Variants in ABCB1 observed in about 807,000 individuals in gnomAD.
ABCB1 encodes the protein ATP-dependent translocase ABCB1.
A neutral mutation model predicts 142.0 loss-of-function variants in ABCB1; 69 were observed. That is an observed-to-expected ratio of 0.49 (90% CI 0.40 to 0.59). The LOEUF (loss-of-function observed/expected upper bound fraction) is 0.59, where lower values mean the gene tolerates loss of function less well. Ranked by LOEUF, ABCB1 falls within the 20% of genes least tolerant of loss-of-function variation. The pLI, the probability that ABCB1 is intolerant of heterozygous loss-of-function variation, is 0.00. For missense variants in ABCB1, 1,326 were observed against 1,554.7 expected (o/e 0.85, Z 2.47); for synonymous variants, 532 against 539.2 (o/e 0.99, Z 0.18).
In ABCB1 at chr7:87,550,793, A is replaced by T; in HGVS notation, c.1045T>A (p.Ser349Thr). Residue 349 changes from serine to threonine, a missense_variant, in exon 10 of 28, where the codon TCT becomes ACT. Transcript: ENST00000622132. Reference protein sequence around the residue: ...LIGAFSVGQASPSIEAFANAR... With the variant: ...LIGAFSVGQATPSIEAFANAR... ...TTTGCAAATGCTTCAATGCTTGGAG[A>T]TGCCTGTCCAACACTAAAAGCCCCA... 1 of 1,613,874 alleles carries T rather than the reference A, an allele frequency of 6.2e-7. No homozygotes were observed. Among genetic ancestry groups the T allele is most frequent in the Non-Finnish European group, 8.5e-7 (1 of 1,179,768 alleles).
At chr7:87,662,420 A>C (rs1770102268) in intron 1 of ABCB1, among the ~76,000 whole-genome samples, 1 of 151,974 alleles carries the variant, frequency 6.6e-6, no homozygotes, top group Non-Finnish European at 1.5e-5. Context: ...TTTTGATTTG[A>C]TTTTTTGTAT....
At chr7:87,605,647 A>T (rs560023714), upstream of ABCB1, among the ~76,000 whole-genome samples, 1 of 152,226 alleles carries the variant, frequency 6.6e-6, no homozygotes, top group Admixed American at 6.5e-5. Context: ...ATGACTTACT[A>T]GCTGTGTGGC....
intron 1 of ABCB1, chr7:87,651,032 C>A (rs1823519697): frequency 1.4e-6 from 1 of 690,966 alleles, no homozygotes; most frequent in Non-Finnish European, 2.5e-6. Flanking sequence ...ACTTAGATAG[C>A]CAACATTCTA....
chr7:87,635,746 A>G (rs1407971850), intron 1 of ABCB1, among the ~76,000 whole-genome samples: 1 of 152,226 alleles, frequency 6.6e-6, no homozygotes, highest in Non-Finnish European at 1.5e-5. Flanking sequence ...CTGTTCAAAT[A>G]TCAAGACCTC....
At position 87,662,154 on chromosome 7, in the gene ABCB1, C is replaced by T. The variant is rs141885823; in HGVS notation, c.-331+51007G>A. The stretch of plus-strand genomic sequence containing the variant: ...TCCTTATATATTCTGCTTATTAATC[C>T]CTTGTCAGATGAGTAGTCTGCAAAT... On this transcript the variant is annotated intron_variant, in intron 1 of 28. Transcript: ENST00000265724. Among the ~76,000 whole-genome samples, 541 of 151,544 alleles carry T rather than the reference C, an allele frequency of 3.6e-3. 6 individuals carry two copies. The highest frequency in any genetic ancestry group is 0.013 in the African/African-American group (517 of 41,226).
Position 87,539,322 on chromosome 7 carries a change from T to G in ABCB1, c.2343A>C (p.Gly781=). 6.2e-7 allele frequency: 1 copy of G among 1,614,154 alleles called. No individual in the cohort carries two copies. The highest frequency in any genetic ancestry group is 8.5e-7 in the Non-Finnish European group (1 of 1,179,976). Residue 781 remains glycine (G), a synonymous_variant, in exon 19 of 28, where the codon GGA becomes GGC. Transcript: ENST00000622132. ...ATCGGAGCCGCTTGGTGAGGATCTC[T>G]CCAGCTTTGCCAAATGTGAAACCCT... ...FLQGFTFGKA[G]EILTKRLRYM...
chr7:87,628,582 T>G, intron 1 of ABCB1: 3 of 270,908 alleles, frequency 1.1e-5, no homozygotes, highest in Non-Finnish European at 6.2e-6. Flanking sequence ...GGTGCGTGCG[T>G]GCGTGTGTGT....
intron 1 of ABCB1, among the ~76,000 whole-genome samples, chr7:87,635,896 G>A (rs544139245): frequency 2.1e-4 from 32 of 152,226 alleles, no homozygotes; most frequent in African/African-American, 7.7e-4. Flanking sequence ...ATGTTTGTGA[G>A]GTTCATCCAT....
At chr7:87,618,831 T>C (rs1192990174) in intron 1 of ABCB1, among the ~76,000 whole-genome samples, 1 of 152,134 alleles carries the variant, frequency 6.6e-6, no homozygotes, top group Non-Finnish European at 1.5e-5. Context: ...ATCATGAAAT[T>C]TGATAGATGG....
intron 4 of ABCB1, among the ~76,000 whole-genome samples, chr7:87,583,215 T>C (rs571495183): frequency 2.6e-5 from 4 of 152,350 alleles, no homozygotes; most frequent in African/African-American, 7.2e-5. Flanking sequence ...GATTCTTCAA[T>C]GAATGAATCC....
chr7:87,678,670 G>A (rs897225649), intron 1 of ABCB1, among the ~76,000 whole-genome samples: 2 of 151,958 alleles, frequency 1.3e-5, no homozygotes, highest in Non-Finnish European at 2.9e-5. Flanking sequence ...GGTAAAAAAA[G>A]GACTCAATAT....
chr7:87,549,157 T>C (rs1252830139), intron 14 of ABCB1, among the ~76,000 whole-genome samples, 191 bp downstream of exon 14: 2 of 152,136 alleles, frequency 1.3e-5, no homozygotes, highest in Non-Finnish European at 2.9e-5. Flanking sequence ...GAGAAATAAA[T>C]AGAAATTGAA....
chr7:87,669,130 T>C (rs1825573877), intron 1 of ABCB1, among the ~76,000 whole-genome samples: 1 of 152,208 alleles, frequency 6.6e-6, no homozygotes, highest in Admixed American at 6.5e-5. Flanking sequence ...TGTAGGTCTC[T>C]AAGAACTTGC....
intron 1 of ABCB1, among the ~76,000 whole-genome samples, chr7:87,705,242 T>C (rs1436450724): frequency 1.3e-5 from 2 of 152,116 alleles, no homozygotes; most frequent in African/African-American, 4.8e-5. Context: ...CTGGCTAACA[T>C]GGCAAAACCC....
intron 1 of ABCB1, chr7:87,628,662 G>T (rs2130161860): frequency 4.9e-6 from 2 of 412,024 alleles, no homozygotes; most frequent in East Asian, 7.2e-5. Context: ...CAGTCCCCGG[G>T]TGCGAGTCCC....
intron 27 of ABCB1, among the ~76,000 whole-genome samples, chr7:87,504,982 T>C (rs1223122143): frequency 2.0e-5 from 3 of 152,082 alleles, no homozygotes; most frequent in African/African-American, 7.2e-5. Context: ...TTTTTTTATT[T>C]GAAACAGGGC....
intron 1 of ABCB1, among the ~76,000 whole-genome samples, chr7:87,698,497 A>AAT (rs1828709547): frequency 2.0e-5 from 3 of 152,218 alleles, no homozygotes; most frequent in Non-Finnish European, 2.9e-5. Context: ...ATTTGTGCAA[A>AAT]ATATTTGATG....
At chr7:87,702,924 A>G (rs1324172876) in intron 1 of ABCB1, among the ~76,000 whole-genome samples, 3 of 152,180 alleles carry the variant, frequency 2.0e-5, no homozygotes, top group Admixed American at 2.0e-4. Flanking sequence ...GGTTGAGTAT[A>G]CCTAACTAAC....
intron 23 of ABCB1, among the ~76,000 whole-genome samples, chr7:87,517,338 C>A (rs982954582): frequency 6.6e-6 from 1 of 151,504 alleles, no homozygotes; most frequent in African/African-American, 2.4e-5. Flanking sequence ...GCTTTGTGAG[C>A]ATGCATGCAT....
Sources: allele counts gnomAD v4.1 joint callset (sites outside exome capture counted in the v4.1 genomes callset), GRCh38; gene constraint gnomAD v4.1.1; transcripts MANE v1.5; gene names NCBI Gene and HGNC (gene_info 2026-07-23, HGNC 2026-07-21).